FOXP2: variants seen among roughly 807,000 people sequenced by gnomAD.
The protein encoded by FOXP2 is forkhead box P2.
Under a neutral mutation model 115.8 loss-of-function variants are expected in FOXP2, and 12 were observed. The ratio of observed to expected loss-of-function variants is 0.10; its 90% CI spans 0.07 to 0.17. FOXP2 has a LOEUF of 0.17. Among genes scored for constraint, FOXP2 ranks in the 10% least tolerant of loss-of-function variants. The pLI, the probability that FOXP2 is intolerant of heterozygous loss-of-function variation, is 1.00. For synonymous variants in FOXP2, 328 were observed against 297.7 expected (o/e 1.10, Z -1.05); for missense variants, 629 against 843.5 (o/e 0.75, Z 3.15).
intron 8 of FOXP2, among the ~76,000 whole-genome samples, chr7:114,647,581 A>G (rs973167023): frequency 6.6e-6 from 1 of 151,812 alleles, no homozygotes; most frequent in Non-Finnish European, 1.5e-5. Context: ...GTTGAGGAAA[A>G]TTTTTGAGTT....
At chr7:114,669,269 A>G (rs182323606) in intron 16 of FOXP2, 3 of 152,186 alleles carry the variant, frequency 2.0e-5, no homozygotes, top group Non-Finnish European at 4.4e-5. Context: ...GATTTCAGCA[A>G]AAAGTAGGAA....
chr7:114,172,753 T>C (rs182981281), intron 1 of FOXP2, among the ~76,000 whole-genome samples: 1 of 152,258 alleles, frequency 6.6e-6, no homozygotes, highest in Admixed American at 6.5e-5. Context: ...TGTAATGTAA[T>C]TCAAAGTAAA....
chr7:114,490,404 G>A (rs1217988711), intron 2 of FOXP2, among the ~76,000 whole-genome samples: 1 of 152,126 alleles, frequency 6.6e-6, no homozygotes, highest in Non-Finnish European at 1.5e-5. Flanking sequence ...GATTGTCAGG[G>A]GCTCAGGGAG....
At chr7:114,301,853 C>A (rs1000675889) in intron 2 of FOXP2, among the ~76,000 whole-genome samples, 2 of 152,088 alleles carry the variant, frequency 1.3e-5, no homozygotes, top group African/African-American at 4.8e-5. Flanking sequence ...CCCCTGACTT[C>A]CAGAACTTGG....
chr7:114,361,367 A>G (rs1044338279), intron 2 of FOXP2, among the ~76,000 whole-genome samples: 1 of 152,104 alleles, frequency 6.6e-6, no homozygotes, highest in African/African-American at 2.4e-5. Context: ...GGCTGACAGT[A>G]TAAAAGGAAA....
intron 6 of FOXP2, among the ~76,000 whole-genome samples, chr7:114,633,473 C>T (rs537655470): frequency 6.6e-6 from 1 of 152,034 alleles, no homozygotes; most frequent in East Asian, 1.9e-4. Flanking sequence ...TGTCTTTGAG[C>T]AGAAAATTTA....
upstream of FOXP2, among the ~76,000 whole-genome samples, chr7:114,411,431 G>T (rs1279801907): frequency 6.6e-6 from 1 of 152,082 alleles, no homozygotes; most frequent in Middle Eastern, 3.2e-3. Flanking sequence ...TTTTATGTGA[G>T]ATTAAATAGA....
At chr7:114,261,859 G>C (rs2129171409) in intron 1 of FOXP2, among the ~76,000 whole-genome samples, 2 of 152,176 alleles carry the variant, frequency 1.3e-5, no homozygotes, top group South Asian at 4.2e-4. Context: ...AGGAGCTCGA[G>C]ACTAGCCTGG....
Position 114,662,763 on chromosome 7 carries a change from G to C in FOXP2, c.1769+577G>C, listed in dbSNP as rs1036014026. 3.3e-5 allele frequency among the ~76,000 whole-genome samples: 5 copies of C among 152,136 alleles called. No homozygotes were observed. In the South Asian group the frequency reaches 8.3e-4, roughly 25 times the overall value. ...GTATACTAGTGTGAGAAAATTACTG[G>C]CTGGGAAGTTTGAATTTTGTTTGTT... is the stretch of plus-strand genomic sequence containing the variant. On this transcript the variant is annotated intron_variant, in intron 14 of 16. Coordinates refer to ENST00000350908, the MANE Select transcript of FOXP2 (RefSeq NM_014491.4).
At chr7:114,106,046 C>T (rs2077379074) in intron 1 of FOXP2, among the ~76,000 whole-genome samples, 1 of 152,024 alleles carries the variant, frequency 6.6e-6, no homozygotes, top group Non-Finnish European at 1.5e-5. Flanking sequence ...AGTGGAGGCT[C>T]AGCAGGAATA....
chr7:114,270,652 A>C (rs1190621247), intron 1 of FOXP2, among the ~76,000 whole-genome samples: 1 of 151,984 alleles, frequency 6.6e-6, no homozygotes, highest in Non-Finnish European at 1.5e-5. Context: ...CCCAGTTTTT[A>C]ATTGAGTTTT....
intron 16 of FOXP2, among the ~76,000 whole-genome samples, chr7:114,685,759 T>C (rs1199833501): frequency 6.6e-6 from 1 of 152,206 alleles, no homozygotes; most frequent in Non-Finnish European, 1.5e-5. Flanking sequence ...TGATGGGCTT[T>C]AAAGTACTTT....
intron 6 of FOXP2, among the ~76,000 whole-genome samples, chr7:114,634,472 A>G (rs562600197): frequency 6.6e-6 from 1 of 152,044 alleles, no homozygotes; most frequent in Non-Finnish European, 1.5e-5. Flanking sequence ...CTAAAGTTTT[A>G]TATTTATCAT....
At chr7:114,624,030 G>T (rs1429606848) in intron 3 of FOXP2, among the ~76,000 whole-genome samples, 1 of 151,802 alleles carries the variant, frequency 6.6e-6, no homozygotes, top group Non-Finnish European at 1.5e-5. Context: ...CTTTTGAAAG[G>T]CTATTATTAT....
At chr7:114,381,878 G>C (rs1355320872) in intron 2 of FOXP2, among the ~76,000 whole-genome samples, 1 of 152,042 alleles carries the variant, frequency 6.6e-6, no homozygotes, top group Non-Finnish European at 1.5e-5. Flanking sequence ...AAAGGAGGCG[G>C]AATCCTTTAG....
At chr7:114,678,223 A>T (rs1807880800) in intron 16 of FOXP2, among the ~76,000 whole-genome samples, 1 of 152,202 alleles carries the variant, frequency 6.6e-6, no homozygotes, top group African/African-American at 2.4e-5. Context: ...AGCAGAGATG[A>T]GGAAAGGCAG....
chr7:114,285,923 A>C (rs1318304135), intron 1 of FOXP2, among the ~76,000 whole-genome samples: 1 of 151,910 alleles, frequency 6.6e-6, no homozygotes, highest in East Asian at 1.9e-4. Context: ...CTTAACTGAA[A>C]ATTTTCATTT....
chr7:114,437,244 T>C (rs1435122905), intron 2 of FOXP2, among the ~76,000 whole-genome samples: 1 of 152,184 alleles, frequency 6.6e-6, no homozygotes, highest in Admixed American at 6.5e-5. Flanking sequence ...TTCTTTATTT[T>C]CATGCACCTT....
intron 2 of FOXP2, among the ~76,000 whole-genome samples, chr7:114,492,231 T>C (rs1345470093): frequency 6.6e-6 from 1 of 152,200 alleles, no homozygotes; most frequent in Admixed American, 6.5e-5. Flanking sequence ...GGTGGCAGTT[T>C]GTATTTCTGT....
Sources: allele counts gnomAD v4.1 joint callset (sites outside exome capture counted in the v4.1 genomes callset), GRCh38; gene constraint gnomAD v4.1.1; transcripts MANE v1.5; gene names NCBI Gene and HGNC (gene_info 2026-07-23, HGNC 2026-07-21).